PTPN22: variants seen among roughly 807,000 people sequenced by gnomAD.
The protein encoded by PTPN22 is protein tyrosine phosphatase non-receptor type 22, also known as tyrosine-protein phosphatase non-receptor type 22.
A neutral mutation model predicts 103.3 loss-of-function variants in PTPN22; 85 were observed. That is an observed-to-expected ratio of 0.82 (90% confidence interval 0.69 to 0.99). The LOEUF (loss-of-function observed/expected upper bound fraction) is 0.99. Ranked by LOEUF, PTPN22 falls within the 50% of genes least tolerant of loss-of-function variation. PTPN22 has a pLI of 0.00. For missense variants in PTPN22, 865 were observed against 936.9 expected (o/e 0.92, Z 1.00); for synonymous variants, 323 against 310.2 (o/e 1.04, Z -0.43).
chr1:113,861,215 TTTTC>T (rs1665558455), intron 1 of PTPN22, among the ~76,000 whole-genome samples: 1 of 152,088 alleles, frequency 6.6e-6, no homozygotes, highest in Admixed American at 6.6e-5. Context: ...AAGTCTTCCT[TTTTC>T]TTTCTGTTTT....
intron 20 of PTPN22, 74 bp from the exon 21 acceptor site, chr1:113,815,043 A>T (rs560537432): frequency 1.9e-6 from 2 of 1,031,626 alleles, no homozygotes; most frequent in Admixed American, 4.6e-5. Flanking sequence ...ATTTTAGAGT[A>T]TATTATAATA....
chr1:113,855,814 C>T (rs1358672377), intron 7 of PTPN22, among the ~76,000 whole-genome samples: 1 of 152,202 alleles, frequency 6.6e-6, no homozygotes, highest in Non-Finnish European at 1.5e-5. Context: ...TGGTATGCCT[C>T]CAATGTGTCA....
chr1:113,857,583 A>AG (rs397981342), intron 5 of PTPN22, 155 bp downstream of exon 5: 5 of 629,678 alleles, frequency 7.9e-6, no homozygotes, highest in Non-Finnish European at 1.4e-5. Context: ...GAAAAAAAAA[A>AG]TCCTCTGAGA....
At chr1:113,847,153 A>T in intron 11 of PTPN22, among the ~76,000 whole-genome samples, 1 of 145,256 alleles carries the variant, frequency 6.9e-6, no homozygotes, top group South Asian at 2.1e-4. Context: ...TGTTGAACCC[A>T]TCTATTTTGC....
intron 18 of PTPN22, among the ~76,000 whole-genome samples, chr1:113,828,215 TA>T (rs772155538): frequency 9.9e-5 from 15 of 152,160 alleles, no homozygotes; most frequent in Non-Finnish European, 1.5e-4. Context: ...TTTTGATTTT[TA>T]AGGTGATTGT....
At position 113,833,076 on chromosome 1, in the gene PTPN22, G is replaced by A. The variant is rs925452750; in HGVS notation, c.2053+35C>T. 1.2e-5 allele frequency: 19 copies of A among 1,540,322 alleles called. No individual in the cohort carries two copies. The African/African-American group carries it at 1.9e-4, about 16-fold the overall frequency. ...AACGAACCATTCTTCCAATCTTAGG[G>A]CTAAATGTCATCTAAAGCCAAGAGA... On this transcript the variant is annotated intron_variant, in intron 16 of 20. Coordinates refer to ENST00000359785, the Ensembl canonical transcript of PTPN22.
intron 20 of PTPN22, among the ~76,000 whole-genome samples, chr1:113,816,492 A>G (rs1196996966): frequency 6.6e-6 from 1 of 152,040 alleles, no homozygotes; most frequent in East Asian, 1.9e-4. Flanking sequence ...TAAGTACTCA[A>G]ATGTTCCTCA....
At chr1:113,817,731 A>T (rs1661278438) in intron 20 of PTPN22, among the ~76,000 whole-genome samples, 1 of 152,126 alleles carries the variant, frequency 6.6e-6, no homozygotes. Flanking sequence ...ACAGGCATGA[A>T]AATGCTGCTT....
intron 15 of PTPN22, among the ~76,000 whole-genome samples, chr1:113,833,695 A>G (rs898361071): frequency 4.6e-5 from 7 of 152,112 alleles, no homozygotes; most frequent in Admixed American, 6.6e-5. Context: ...ATACACTTCT[A>G]TTTTTCCTCC....
exon 17 of PTPN22, chr1:113,829,980 A>G (rs1273095681): frequency 1.9e-6 from 3 of 1,608,052 alleles, no homozygotes; most frequent in Non-Finnish European, 2.6e-6. Context: ...AGGACTCTAG[A>G]GTTCTTTCTG....
At chr1:113,866,838 C>A (rs916745996) in intron 1 of PTPN22, among the ~76,000 whole-genome samples, 1 of 152,120 alleles carries the variant, frequency 6.6e-6, no homozygotes, top group East Asian at 1.9e-4. Context: ...CCCTCCACCC[C>A]CTGGGGTCAA....
At chr1:113,852,252 T>C (rs1571429600) in intron 9 of PTPN22, 148 bp from the exon 10 acceptor site, 1 of 607,114 alleles carries the variant, frequency 1.6e-6, no homozygotes, top group South Asian at 2.0e-5. Flanking sequence ...AAATGAGGTT[T>C]CTTATCACTT....
intron 11 of PTPN22, among the ~76,000 whole-genome samples, chr1:113,841,068 T>C (rs1368615772): frequency 6.6e-6 from 1 of 151,868 alleles, no homozygotes; most frequent in Non-Finnish European, 1.5e-5. Context: ...CTACTAAAAA[T>C]ACAAAATTAG....
At chr1:113,849,948 C>T (rs533502183) in intron 10 of PTPN22, among the ~76,000 whole-genome samples, 1 of 151,900 alleles carries the variant, frequency 6.6e-6, no homozygotes, top group East Asian at 2.0e-4. Flanking sequence ...GTAATCCCAG[C>T]ACTTTGGGAG....
intron 4 of PTPN22, chr1:113,858,151 G>A (rs1665237779): frequency 4.9e-6 from 1 of 205,948 alleles, no homozygotes; most frequent in South Asian, 1.1e-4. Flanking sequence ...TCAACCTCAT[G>A]GGCTCAAGCG....
intron 20 of PTPN22, among the ~76,000 whole-genome samples, chr1:113,817,620 AT>A (rs952959757): frequency 2.6e-5 from 4 of 151,878 alleles, no homozygotes; most frequent in Admixed American, 1.3e-4. Context: ...AAAAAAAAAC[AT>A]TTTTTTGTAG....
chr1:113,845,286 T>C (rs1050665522), intron 11 of PTPN22, among the ~76,000 whole-genome samples: 5 of 150,368 alleles, frequency 3.3e-5, no homozygotes, highest in African/African-American at 1.2e-4. Flanking sequence ...AACCTCCGCC[T>C]ACCAGGTTCG....
At chr1:113,840,735 C>T (rs2101988908) in intron 11 of PTPN22, among the ~76,000 whole-genome samples, 1 of 152,090 alleles carries the variant, frequency 6.6e-6, no homozygotes, top group Middle Eastern at 3.4e-3. Context: ...AAAATTGCAA[C>T]AGAGCTACAG....
chr1:113,843,025 G>A (rs866793848), intron 11 of PTPN22, among the ~76,000 whole-genome samples: 1,673 of 131,900 alleles, frequency 0.013, 38 homozygotes, highest in African/African-American at 0.043. Context: ...GCGTGAACCC[G>A]GGAGGCGGAG....
Sources: gnomAD v4.1 joint callset for allele counts (sites outside exome capture counted in the v4.1 genomes callset) on GRCh38, gnomAD v4.1.1 for gene constraint, MANE v1.5 for transcripts, NCBI Gene and HGNC (gene_info 2026-07-23, HGNC 2026-07-21) for gene names.